Variants in SGIP1 observed in about 807,000 individuals in gnomAD.
SGIP1 encodes the protein SH3GL interacting endocytic adaptor 1.
In SGIP1, 38 loss-of-function variants were observed where a neutral mutation model predicts 107.5. The observed-to-expected ratio is 0.35, with a 90% CI of 0.27 to 0.46. SGIP1 has a LOEUF of 0.46. SGIP1 is among the 20% of genes least tolerant of loss of function. The probability of loss-of-function intolerance (pLI) is 1.00; values close to 1 mark genes in which losing one functional copy is unlikely to be tolerated. For synonymous variants in SGIP1, 365 were observed against 366.1 expected, an observed-to-expected ratio of 1.00 and a Z score of 0.03; for missense variants, 929 against 1,019.5, an observed-to-expected ratio of 0.91 and a Z score of 1.21.
intron 1 of SGIP1, among the ~76,000 whole-genome samples, chr1:66,596,886 C>T (rs12117202): frequency 0.13 from 20,371 of 151,884 alleles, 1,426 homozygotes; most frequent in Admixed American, 0.18. Context: ...CAAATAAAGG[C>T]AATTATTCCT....
intron 7 of SGIP1, among the ~76,000 whole-genome samples, chr1:66,656,576 C>A (rs1023367399): frequency 6.6e-6 from 1 of 152,168 alleles, no homozygotes; most frequent in Non-Finnish European, 1.5e-5. Flanking sequence ...TATGGGACCA[C>A]CATCGTATAC....
intron 1 of SGIP1, among the ~76,000 whole-genome samples, chr1:66,560,126 C>G (rs1357937647): frequency 2.0e-5 from 3 of 152,036 alleles, no homozygotes. Flanking sequence ...TCTGGAGGCT[C>G]AAACCCTTCT....
intron 2 of SGIP1, among the ~76,000 whole-genome samples, chr1:66,627,335 T>C (rs7524851): frequency 0.69 from 105,555 of 151,954 alleles, 38,358 homozygotes; most frequent in East Asian, 1. Context: ...AAAGCAAAAG[T>C]GGAAAGGTAG....
intron 3 of SGIP1, 142 bp from the exon 4 acceptor site, chr1:66,635,802 A>C (rs2075662547): frequency 1.3e-6 from 1 of 791,688 alleles, no homozygotes; most frequent in African/African-American, 1.8e-5. Context: ...AACCCTGCCA[A>C]GATTGGTAGG....
At chr1:66,549,645 GC>G (rs1033419737) in intron 1 of SGIP1, among the ~76,000 whole-genome samples, 87 of 152,218 alleles carry the variant, frequency 5.7e-4, no homozygotes, top group African/African-American at 2.0e-3. Context: ...GCACCCCCAT[GC>G]TTGTGCATAT....
At chr1:66,730,652 T>A (rs929739643) in intron 20 of SGIP1, among the ~76,000 whole-genome samples, 6 of 152,322 alleles carry the variant, frequency 3.9e-5, no homozygotes, top group South Asian at 4.1e-4. Flanking sequence ...AACTCCCTGG[T>A]GGCTTCGCAT....
At position 66,746,125 on chromosome 1, in the gene SGIP1, T is replaced by G. The variant is rs2094549655; in HGVS notation, c.*3030T>G. The G allele has an allele frequency of 6.6e-6, 1 of 152,158 alleles. No individual in the cohort carries two copies. The highest frequency in any genetic ancestry group is 2.1e-4 in the South Asian group (1 of 4,832). 9.4% of individuals were successfully genotyped at this position (152,158 alleles called of 1,614,324 possible). ...GTCAGCAGAGTGTTTGAGCTATAAT[T>G]ACAAGTATTTCCACTTCTAAATCTT... is the stretch of plus-strand genomic sequence containing the variant. On this transcript the variant is annotated 3_prime_UTR_variant, in exon 25 of 25. Coordinates refer to ENST00000371037, the MANE Select transcript of SGIP1 (RefSeq NM_032291.4).
intron 1 of SGIP1, among the ~76,000 whole-genome samples, chr1:66,593,968 G>A (rs1161857617): frequency 6.6e-6 from 1 of 152,060 alleles, no homozygotes; most frequent in African/African-American, 2.4e-5. Context: ...GATTAGCATT[G>A]AATGTTTCTT....
At chr1:66,714,910 G>C (rs542666875) in intron 18 of SGIP1, among the ~76,000 whole-genome samples, 53 of 152,146 alleles carry the variant, frequency 3.5e-4, no homozygotes, top group African/African-American at 1.2e-3. Context: ...CACTTTTCTG[G>C]TTTTAGCCCT....
At chr1:66,582,432 A>T (rs2061958411) in intron 1 of SGIP1, among the ~76,000 whole-genome samples, 1 of 152,028 alleles carries the variant, frequency 6.6e-6, no homozygotes, top group Admixed American at 6.6e-5. Flanking sequence ...ACAAATATGA[A>T]TGGAGAGTCA....
At chr1:66,609,988 C>T (rs954483145) in intron 1 of SGIP1, among the ~76,000 whole-genome samples, 2 of 151,928 alleles carry the variant, frequency 1.3e-5, no homozygotes, top group South Asian at 2.1e-4. Context: ...GTTACAATCT[C>T]GTCAGTTCAA....
chr1:66,547,610 T>C (rs1049374112), intron 1 of SGIP1, among the ~76,000 whole-genome samples: 1 of 152,060 alleles, frequency 6.6e-6, no homozygotes, highest in Non-Finnish European at 1.5e-5. Flanking sequence ...ACATAGGAAG[T>C]GTTGTAGTGA....
intron 7 of SGIP1, among the ~76,000 whole-genome samples, chr1:66,652,856 A>G (rs2079028884): frequency 6.6e-6 from 1 of 152,208 alleles, no homozygotes; most frequent in Non-Finnish European, 1.5e-5. Context: ...TAAAGATTGC[A>G]TGCATTCTGA....
intron 5 of SGIP1, among the ~76,000 whole-genome samples, chr1:66,641,550 C>G (rs1366009420): frequency 6.6e-6 from 1 of 152,098 alleles, no homozygotes; most frequent in African/African-American, 2.4e-5. Context: ...GGATCAAAAC[C>G]TAGATCTGAC....
intron 1 of SGIP1, among the ~76,000 whole-genome samples, chr1:66,586,481 C>T (rs1445575): frequency 0.68 from 103,759 of 151,966 alleles, 36,909 homozygotes; most frequent in East Asian, 1. Flanking sequence ...TATCTCATTG[C>T]ATAGAATTTC....
Position 66,741,369 on chromosome 1 carries a change from T to C in SGIP1, c.2397T>C (p.Ser799=). ...VQFTSEGSTL[S]GCDIELVGAG... is the part of the protein sequence containing the mutation. ...TCACAAGTGAAGGAAGCACCCTTTC[T>C]GGCTGTGACATTGAACTTGTTGGAG... Residue 799 remains serine, a synonymous_variant, in exon 24 of 25, where the codon TCT becomes TCC. Coordinates refer to ENST00000371037, the MANE Select transcript of SGIP1 (RefSeq NM_032291.4). 2 of 1,612,140 alleles carry C rather than the reference T, an allele frequency of 1.2e-6. No individual in the cohort carries two copies. Among genetic ancestry groups the C allele is most frequent in the South Asian group, 1.1e-5 (1 of 90,760 alleles).
intron 1 of SGIP1, among the ~76,000 whole-genome samples, chr1:66,560,980 C>A (rs1367443608): frequency 6.6e-6 from 1 of 152,014 alleles, no homozygotes; most frequent in East Asian, 1.9e-4. Context: ...TTTTTATATG[C>A]CTTCTTCCAT....
intron 1 of SGIP1, among the ~76,000 whole-genome samples, chr1:66,545,538 G>A (rs780902020): frequency 1.3e-5 from 2 of 151,954 alleles, no homozygotes; most frequent in Non-Finnish European, 2.9e-5. Flanking sequence ...TCTTTCTCAT[G>A]GGTAATTTAA....
chr1:66,640,176 C>G (rs2076513096), intron 5 of SGIP1, among the ~76,000 whole-genome samples: 1 of 152,100 alleles, frequency 6.6e-6, no homozygotes, highest in Non-Finnish European at 1.5e-5. Context: ...TGATCTAGCC[C>G]CCACACATAT....
Sources: allele counts gnomAD v4.1 joint callset (sites outside exome capture counted in the v4.1 genomes callset), GRCh38; gene constraint gnomAD v4.1.1; transcripts MANE v1.5; gene names NCBI Gene and HGNC (gene_info 2026-07-23, HGNC 2026-07-21).